BRINP1: variants seen among roughly 807,000 people sequenced by gnomAD.
BRINP1 encodes the protein BMP/retinoic acid inducible neural specific 1, also known as BMP/retinoic acid-inducible neural-specific protein 1.
Under a neutral mutation model 72.9 loss-of-function variants are expected in BRINP1, and 17 were observed. That is an observed-to-expected ratio of 0.23 (90% CI 0.16 to 0.35). The LOEUF (loss-of-function observed/expected upper bound fraction) is 0.35. BRINP1 is among the 10% of genes least tolerant of loss of function. BRINP1 has a pLI of 1.00. For synonymous variants in BRINP1, 418 were observed against 378.5 expected (o/e 1.10, Z -1.21); for missense variants, 850 against 1,001.6 (o/e 0.85, Z 2.04).
At chr9:119,249,259 C>T in intron 2 of BRINP1, 109 bp from the exon 3 acceptor site, 5 of 978,440 alleles carry the variant, frequency 5.1e-6, no homozygotes, top group Non-Finnish European at 7.4e-6. Flanking sequence ...AAAGTGCCTA[C>T]AATTTTAATA....
rs192705906 is a variant in BRINP1, at chr9:119,239,144, T to C, written c.580-384A>G. On this transcript the variant is annotated intron_variant, in intron 4 of 7. Transcript: ENST00000265922. The stretch of plus-strand genomic sequence containing the variant: ...GGACCTAGGGAAGCCAATTAATTTC[T>C]CTAAGTATCTGCAAATCAAAGCTAG... Among the ~76,000 whole-genome samples the C allele has an allele frequency of 2.0e-5, 3 of 152,336 alleles. 1 individual carries two copies. The highest frequency in any genetic ancestry group is 2.0e-4 in the Admixed American group (3 of 15,306).
intron 5 of BRINP1, among the ~76,000 whole-genome samples, chr9:119,234,426 G>A (rs561496997): frequency 6.8e-6 from 1 of 147,974 alleles, no homozygotes; most frequent in Admixed American, 6.6e-5. Context: ...TGAAGTGCTT[G>A]TTCATGTCTT....
At chr9:119,240,022 G>A (rs181905362) in intron 4 of BRINP1, among the ~76,000 whole-genome samples, 1 of 152,182 alleles carries the variant, frequency 6.6e-6, no homozygotes, top group African/African-American at 2.4e-5. Context: ...TGTAATCCCA[G>A]CACTTTGGGA....
intron 1 of BRINP1, among the ~76,000 whole-genome samples, chr9:119,356,039 G>C (rs1042340401): frequency 6.6e-6 from 1 of 152,124 alleles, no homozygotes; most frequent in Non-Finnish European, 1.5e-5. Context: ...GATCGAGATA[G>C]AGATCTAACC....
At chr9:119,202,613 G>T (rs886676562) in intron 7 of BRINP1, among the ~76,000 whole-genome samples, 8 of 152,160 alleles carry the variant, frequency 5.3e-5, no homozygotes, top group African/African-American at 1.9e-4. Flanking sequence ...CAAGCCACAG[G>T]AATCTTACTG....
intron 2 of BRINP1, 123 bp downstream of exon 2, chr9:119,313,015 T>C (rs1831084723): frequency 9.1e-7 from 1 of 1,097,012 alleles, no homozygotes; most frequent in East Asian, 2.6e-5. Context: ...AAACAGCTTG[T>C]GGAAGGAGCA....
chr9:119,239,040 C>T (rs903084041), intron 4 of BRINP1, among the ~76,000 whole-genome samples: 1 of 152,264 alleles, frequency 6.6e-6, no homozygotes, highest in South Asian at 2.1e-4. Context: ...TAGAAGTTGA[C>T]ACATTATATT....
chr9:119,196,487 T>G (rs1402280378), intron 7 of BRINP1, among the ~76,000 whole-genome samples: 1 of 152,176 alleles, frequency 6.6e-6, no homozygotes, highest in Non-Finnish European at 1.5e-5. Context: ...TATTTTTCCC[T>G]CTGGCTTCAT....
chr9:119,247,323 C>T (rs1830330798), intron 3 of BRINP1, among the ~76,000 whole-genome samples: 1 of 133,312 alleles, frequency 7.5e-6, no homozygotes, highest in African/African-American at 2.7e-5. Flanking sequence ...GTTGGTGGAG[C>T]GGGTATTGGG....
intron 5 of BRINP1, among the ~76,000 whole-genome samples, chr9:119,225,501 A>G (rs967273492): frequency 2.1e-4 from 32 of 152,020 alleles, no homozygotes; most frequent in African/African-American, 7.5e-4. Flanking sequence ...TACTTAATAC[A>G]ATGTAAATGC....
intron 5 of BRINP1, among the ~76,000 whole-genome samples, chr9:119,220,114 G>A (rs1830024478): frequency 1.3e-5 from 2 of 152,180 alleles, no homozygotes; most frequent in South Asian, 2.1e-4. Context: ...GCAGAAATCT[G>A]TGAGCTCCTT....
chr9:119,320,464 A>T (rs1192896647), intron 1 of BRINP1, among the ~76,000 whole-genome samples: 1 of 152,114 alleles, frequency 6.6e-6, no homozygotes, highest in Non-Finnish European at 1.5e-5. Context: ...GCCCTCAAAG[A>T]GCTTATTTTT....
At chr9:119,263,601 CTTTTTTTTTTT>C (rs386416080) in intron 2 of BRINP1, among the ~76,000 whole-genome samples, 2 of 78,560 alleles carry the variant, frequency 2.5e-5, no homozygotes, top group Admixed American at 2.2e-4. Flanking sequence ...GTAAACAATT[CTTTTTTTTTTT>C]TTTTTTTTTT....
chr9:119,217,349 G>T (rs1179957985), intron 5 of BRINP1, among the ~76,000 whole-genome samples: 1 of 148,696 alleles, frequency 6.7e-6, no homozygotes, highest in Non-Finnish European at 1.5e-5. Context: ...ACACACACAC[G>T]GAGAGAAAGA....
chr9:119,198,331 C>T (rs892380388), intron 7 of BRINP1, among the ~76,000 whole-genome samples: 5 of 152,178 alleles, frequency 3.3e-5, no homozygotes, highest in Non-Finnish European at 7.3e-5. Flanking sequence ...TGTGTTAACC[C>T]TGGCATCTGT....
At chr9:119,335,621 G>A (rs1831339050) in intron 1 of BRINP1, among the ~76,000 whole-genome samples, 1 of 152,150 alleles carries the variant, frequency 6.6e-6, no homozygotes, top group Non-Finnish European at 1.5e-5. Context: ...TCATTCAACA[G>A]GTACTTAATG....
chr9:119,168,470 T>TGAAGG (rs1333314573), intron 7 of BRINP1, among the ~76,000 whole-genome samples: 1 of 150,430 alleles, frequency 6.6e-6, no homozygotes, highest in Non-Finnish European at 1.5e-5. Flanking sequence ...ATCTGCAAAG[T>TGAAGG]GAAGGGGTTG....
intron 2 of BRINP1, among the ~76,000 whole-genome samples, chr9:119,287,737 T>A (rs1250335193): frequency 1.3e-5 from 2 of 152,214 alleles, no homozygotes; most frequent in Non-Finnish European, 2.9e-5. Flanking sequence ...CCATTGTTTA[T>A]CTGCACAAAT....
In BRINP1 at chr9:119,368,956, A is replaced by AG. The variant is rs1364739026; in HGVS notation, c.-51+99dup. The AG allele has an allele frequency of 1.0e-5, 4 of 383,540 alleles. No individual in the cohort carries two copies. The highest frequency in any genetic ancestry group is 6.2e-5 in the African/African-American group (3 of 48,182). 23.8% of individuals were successfully genotyped at this position (383,540 alleles called of 1,614,324 possible). A position where few individuals can be genotyped will look rare whatever the true frequency, so the allele number is the denominator to read the frequency against. On this transcript the variant is annotated intron_variant, in intron 1 of 7. Transcript: ENST00000265922. The surrounding 1 kb of genome is among the most constrained non-coding windows in gnomAD (Gnocchi z 4.7). Reference sequence around the variant, plus strand: ...GTGAAGAGCGGACAAGGGTGCCGGTAGGGGGAGGGGCAGAGGAGCGCGGGG... The same window carrying AG: ...GTGAAGAGCGGACAAGGGTGCCGGTAGGGGGGAGGGGCAGAGGAGCGCGGGG...
Sources: allele counts gnomAD v4.1 joint callset (sites outside exome capture counted in the v4.1 genomes callset), GRCh38; gene constraint gnomAD v4.1.1; non-coding constraint Gnocchi (gnomAD v3.1); transcripts MANE v1.5; gene names NCBI Gene and HGNC (gene_info 2026-07-23, HGNC 2026-07-21).